HEMK2: variants seen among roughly 807,000 people sequenced by gnomAD.
HEMK2 encodes the protein methyltransferase HEMK2.
the HEMK2 span, among the ~76,000 whole-genome samples, chr21:28,613,446 A>T: frequency 1.3e-5 from 2 of 151,928 alleles, no homozygotes; most frequent in Non-Finnish European, 2.9e-5. Context: ...GAGAAAAATC[A>T]ATTAAATAAA....
chr21:28,664,912 A>C, the HEMK2 span, among the ~76,000 whole-genome samples: 2 of 152,278 alleles, frequency 1.3e-5, no homozygotes, highest in East Asian at 3.9e-4. Context: ...AAAGTTTGTA[A>C]GACTAATTCA....
At chr21:28,621,408 A>C in the HEMK2 span, among the ~76,000 whole-genome samples, 1 of 152,124 alleles carries the variant, frequency 6.6e-6, no homozygotes, top group Non-Finnish European at 1.5e-5. Flanking sequence ...GTTCTAATTT[A>C]AATCTGGGTG....
At chr21:28,748,791 C>T in the HEMK2 span, among the ~76,000 whole-genome samples, 1 of 152,310 alleles carries the variant, frequency 6.6e-6, no homozygotes, top group East Asian at 1.9e-4. Context: ...TATTCCTGCC[C>T]TGTTCCTTAG....
the HEMK2 span, among the ~76,000 whole-genome samples, chr21:28,868,647 G>A: frequency 0.062 from 9,380 of 152,268 alleles, 339 homozygotes; most frequent in Middle Eastern, 0.089. Flanking sequence ...TCACGCCACT[G>A]CACTCCAGCC....
chr21:28,818,029 A>C, the HEMK2 span, among the ~76,000 whole-genome samples: 7 of 152,204 alleles, frequency 4.6e-5, no homozygotes, highest in Admixed American at 2.0e-4. Context: ...TGAAGCATGC[A>C]AAGTATTGTT....
chr21:28,749,509 G>A, the HEMK2 span, among the ~76,000 whole-genome samples: 1 of 152,062 alleles, frequency 6.6e-6, no homozygotes, highest in Non-Finnish European at 1.5e-5. Context: ...TTTCTGCCAT[G>A]AAGGACACAC....
At chr21:28,693,074 T>C in the HEMK2 span, among the ~76,000 whole-genome samples, 1 of 152,158 alleles carries the variant, frequency 6.6e-6, no homozygotes, top group Non-Finnish European at 1.5e-5. Flanking sequence ...AATTAGATAG[T>C]GGTGATGATT....
the HEMK2 span, among the ~76,000 whole-genome samples, chr21:28,596,161 C>T: frequency 6.1e-4 from 92 of 152,058 alleles, no homozygotes; most frequent in Non-Finnish European, 9.6e-4. Flanking sequence ...GGACTACAGG[C>T]GCCCGCCACC....
chr21:28,631,446 C>T, the HEMK2 span, among the ~76,000 whole-genome samples: 4 of 152,120 alleles, frequency 2.6e-5, no homozygotes, highest in Admixed American at 2.6e-4. Flanking sequence ...TTTAAAAATA[C>T]ATATTCTAAA....
At chr21:28,590,911 CCTCT>C in the HEMK2 span, among the ~76,000 whole-genome samples, 1 of 152,210 alleles carries the variant, frequency 6.6e-6, no homozygotes, top group Non-Finnish European at 1.5e-5. Context: ...AAGCTTGCAT[CCTCT>C]CTGTTTTCAA....
At chr21:28,736,339 C>T in the HEMK2 span, among the ~76,000 whole-genome samples, 28 of 152,206 alleles carry the variant, frequency 1.8e-4, no homozygotes. Flanking sequence ...GCCTAGCTAT[C>T]TTTGCCTCCT....
At chr21:28,632,687 C>G in the HEMK2 span, among the ~76,000 whole-genome samples, 1 of 152,120 alleles carries the variant, frequency 6.6e-6, no homozygotes, top group East Asian at 1.9e-4. Flanking sequence ...TTTTGGCTTA[C>G]AGGGGAAAAA....
chr21:28,661,663 C>A, the HEMK2 span, among the ~76,000 whole-genome samples: 1 of 151,722 alleles, frequency 6.6e-6, no homozygotes, highest in South Asian at 2.1e-4. Context: ...TCATATTTCC[C>A]CTCCACCTTA....
the HEMK2 span, among the ~76,000 whole-genome samples, chr21:28,625,802 G>C: frequency 1.5e-5 from 2 of 131,940 alleles, no homozygotes; most frequent in African/African-American, 5.7e-5. Context: ...AAGGTAGATA[G>C]GGAATGATAC....
chr21:28,880,707 C>A, the HEMK2 span, among the ~76,000 whole-genome samples: 1 of 150,864 alleles, frequency 6.6e-6, no homozygotes, highest in African/African-American at 2.4e-5. Flanking sequence ...TGCGCCACTA[C>A]ACTCCAGCCT....
the HEMK2 span, among the ~76,000 whole-genome samples, chr21:28,701,300 T>C: frequency 2.6e-5 from 4 of 152,050 alleles, no homozygotes; most frequent in African/African-American, 9.7e-5. Flanking sequence ...GCCAGAGCAT[T>C]CAGGCAAGAG....
At chr21:28,622,270 A>G in the HEMK2 span, among the ~76,000 whole-genome samples, 1 of 152,202 alleles carries the variant, frequency 6.6e-6, no homozygotes. Context: ...TACAACTTAC[A>G]ACAGATGTGA....
At chr21:28,820,497 G>C in the HEMK2 span, among the ~76,000 whole-genome samples, 1 of 152,042 alleles carries the variant, frequency 6.6e-6, no homozygotes, top group African/African-American at 2.4e-5. Flanking sequence ...TGTTCTTCAA[G>C]CCCACTGATT....
At chr21:28,679,901 G>A in the HEMK2 span, among the ~76,000 whole-genome samples, 1 of 151,788 alleles carries the variant, frequency 6.6e-6, no homozygotes, top group Non-Finnish European at 1.5e-5. Flanking sequence ...ATTCAAAGCA[G>A]TGTGTAGAGG....
Sources: allele counts gnomAD v4.1 joint callset (sites outside exome capture counted in the v4.1 genomes callset), GRCh38; gene constraint gnomAD v4.1.1; transcripts MANE v1.5; gene names NCBI Gene and HGNC (gene_info 2026-07-23, HGNC 2026-07-21).